Variants in PIK3CB observed in about 807,000 individuals in gnomAD.
The protein encoded by PIK3CB is phosphatidylinositol 4,5-bisphosphate 3-kinase catalytic subunit beta isoform.
In PIK3CB, 39 loss-of-function variants were observed where a neutral mutation model predicts 136.8. The observed-to-expected ratio is 0.29, with a 90% CI of 0.22 to 0.37. The LOEUF (loss-of-function observed/expected upper bound fraction) is 0.37, where lower values mean the gene tolerates loss of function less well. Ranked by LOEUF, PIK3CB falls within the 10% of genes least tolerant of loss-of-function variation. The pLI is 1.00. For synonymous variants in PIK3CB, 428 were observed against 436.6 expected (o/e 0.98, Z 0.25); for missense variants, 868 against 1,275.4 (o/e 0.68, Z 4.87).
At chr3:138,694,640 G>A (rs547088844) in intron 14 of PIK3CB, 146 bp downstream of exon 14, 261 of 761,234 alleles carry the variant, frequency 3.4e-4, no homozygotes, top group Non-Finnish European at 4.8e-4. Context: ...TTGAGTTGGG[G>A]AGCTGGCAGG....
intron 21 of PIK3CB, among the ~76,000 whole-genome samples, chr3:138,658,345 G>A (rs931520029): frequency 3.3e-5 from 5 of 152,064 alleles, no homozygotes; most frequent in Admixed American, 3.3e-4. Flanking sequence ...AGCTACTCAG[G>A]GGGGTGAGGT....
chr3:138,749,320 T>C (rs573656795), intron 4 of PIK3CB, among the ~76,000 whole-genome samples: 2 of 152,334 alleles, frequency 1.3e-5, no homozygotes, highest in South Asian at 4.1e-4. Flanking sequence ...CTTCTCTCAA[T>C]TCCTGTAAAC....
At chr3:138,792,002 A>G (rs569056039) in intron 2 of PIK3CB, among the ~76,000 whole-genome samples, 1 of 152,302 alleles carries the variant, frequency 6.6e-6, no homozygotes. Flanking sequence ...GGTGGGTTCC[A>G]CATCCATGAA....
chr3:138,736,483 C>A (rs1167242118), intron 6 of PIK3CB, among the ~76,000 whole-genome samples: 1 of 152,176 alleles, frequency 6.6e-6, no homozygotes, highest in East Asian at 1.9e-4. Context: ...TCCTAAAATT[C>A]TGTAACTACT....
chr3:138,681,943 A>G (rs1288258535), intron 19 of PIK3CB, 24 bp downstream of exon 19: 2 of 1,484,474 alleles, frequency 1.3e-6, no homozygotes, highest in Non-Finnish European at 1.8e-6. Flanking sequence ...TTAGACTGAA[A>G]AAAAAAAAAA....
chr3:138,707,069 T>C, intron 11 of PIK3CB, 90 bp downstream of exon 11: 1 of 859,050 alleles, frequency 1.2e-6, no homozygotes, highest in East Asian at 2.5e-5. Flanking sequence ...TGGGAAGTTT[T>C]GAAAGAGACA....
chr3:138,755,690 T>C lies in PIK3CB; in HGVS notation c.397+64A>G, dbSNP rs761502386. 31 of 738,962 alleles carry C rather than the reference T, an allele frequency of 4.2e-5. No homozygotes were observed. The Middle Eastern group carries it at 1.1e-3, about 27-fold the overall frequency. The allele number at this position is 738,962 out of a possible 1,614,324, so 45.8% of individuals were successfully genotyped here. ...TGAAAAGCAATGTCTTAAATATACTTACTATATGTTTATATAAATAGATAT... is the reference window on the plus strand; with the variant it reads ...TGAAAAGCAATGTCTTAAATATACTCACTATATGTTTATATAAATAGATAT... On this transcript the variant is annotated intron_variant, in intron 4 of 23. Transcript: ENST00000674063.
chr3:138,694,265 T>G (rs2044088005), intron 14 of PIK3CB, among the ~76,000 whole-genome samples: 1 of 151,990 alleles, frequency 6.6e-6, no homozygotes, highest in South Asian at 2.1e-4. Context: ...ATCTGGTACA[T>G]GCTAGGCAGA....
intron 7 of PIK3CB, 50 bp downstream of exon 7, chr3:138,734,582 AAC>A (rs111793605): frequency 1.5e-6 from 2 of 1,362,460 alleles, no homozygotes; most frequent in Admixed American, 3.8e-5. Context: ...TATGTAAACT[AAC>A]ACAATCACAT....
chr3:138,671,653 G>A (rs1322152574), intron 19 of PIK3CB, among the ~76,000 whole-genome samples: 1 of 152,234 alleles, frequency 6.6e-6, no homozygotes, highest in Non-Finnish European at 1.5e-5. Context: ...ACAAAGAACT[G>A]TTAGGAATAA....
In PIK3CB at chr3:138,759,264, T is replaced by G; in HGVS notation, c.80A>C (p.Asp27Ala). ...IWAVDSQIAS[D>A]GSIPVDFLLP... ...AAGGAAATCCACAGGTATGGAGCCA[T>G]CAGATGCTATCTGTGAATCCACCGC... The change falls in exon 3 of 24, where the codon GAT becomes GCT. Residue 27 changes from aspartate (D) to alanine (A), a missense_variant. Transcript: ENST00000674063. 5.6e-6 allele frequency: 9 copies of G among 1,613,302 alleles called. No individual in the cohort carries two copies. The highest frequency in any genetic ancestry group is 7.6e-6 in the Non-Finnish European group (9 of 1,179,336).
intron 21 of PIK3CB, among the ~76,000 whole-genome samples, chr3:138,662,000 A>G (rs1439084045): frequency 2.0e-5 from 3 of 151,988 alleles, no homozygotes; most frequent in Non-Finnish European, 2.9e-5. Flanking sequence ...CCAGAATGCT[A>G]TTACTCACAC....
chr3:138,787,513 G>A (rs1395574488), intron 2 of PIK3CB, among the ~76,000 whole-genome samples: 1 of 151,926 alleles, frequency 6.6e-6, no homozygotes, highest in Non-Finnish European at 1.5e-5. Flanking sequence ...TTGCAAACAA[G>A]GTGCAAAGCT....
intron 12 of PIK3CB, among the ~76,000 whole-genome samples, chr3:138,701,583 G>A (rs550803966): frequency 2.6e-5 from 4 of 152,010 alleles, no homozygotes; most frequent in East Asian, 1.9e-4. Flanking sequence ...TCAAGAGATC[G>A]AGACCATCCT....
chr3:138,704,001 A>T (rs1450004043), intron 12 of PIK3CB, among the ~76,000 whole-genome samples: 1 of 152,218 alleles, frequency 6.6e-6, no homozygotes, highest in Non-Finnish European at 1.5e-5. Context: ...AAGCTGAAGC[A>T]GTAATATTAA....
intron 2 of PIK3CB, among the ~76,000 whole-genome samples, chr3:138,772,897 T>C (rs1046371189): frequency 6.7e-6 from 1 of 150,018 alleles, no homozygotes; most frequent in African/African-American, 2.5e-5. Flanking sequence ...GTGATTCTCC[T>C]GCCTCAACCT....
At chr3:138,804,612 A>G (rs1056038495) in intron 1 of PIK3CB, among the ~76,000 whole-genome samples, 1 of 152,252 alleles carries the variant, frequency 6.6e-6, no homozygotes, top group Non-Finnish European at 1.5e-5. Flanking sequence ...ACTCTTAAGA[A>G]CAAAATCGCT....
intron 19 of PIK3CB, 91 bp from the exon 20 acceptor site, chr3:138,665,294 TTTATTA>T: frequency 1.1e-6 from 1 of 942,712 alleles, no homozygotes; most frequent in Non-Finnish European, 1.5e-6. Flanking sequence ...TAAAAAAAGT[TTTATTA>T]TTATTGATAT....
intron 13 of PIK3CB, among the ~76,000 whole-genome samples, chr3:138,697,213 T>TA (rs1038251148): frequency 2.0e-5 from 3 of 152,058 alleles, no homozygotes; most frequent in Admixed American, 6.5e-5. Flanking sequence ...ATGTGTCAAC[T>TA]AAAAAAATGC....
Sources: allele counts gnomAD v4.1 joint callset (sites outside exome capture counted in the v4.1 genomes callset), GRCh38; gene constraint gnomAD v4.1.1; transcripts MANE v1.5; gene names NCBI Gene and HGNC (gene_info 2026-07-23, HGNC 2026-07-21).